Variants in DNAJC12 observed in about 807,000 individuals in gnomAD.
DNAJC12 encodes DnaJ heat shock protein family (Hsp40) member C12.
DNAJC12 carries 25 observed loss-of-function variants against 28.5 expected under a neutral mutation model. The observed-to-expected ratio is 0.88, with a 90% CI of 0.64 to 1.22. DNAJC12 has a LOEUF of 1.22. DNAJC12 is among the 50% of genes most tolerant of loss of function. The probability of loss-of-function intolerance (pLI) is 0.00; values close to 1 mark genes in which losing one functional copy is unlikely to be tolerated. For missense variants in DNAJC12, 222 were observed against 231.7 expected, an observed-to-expected ratio of 0.96 and a Z score of 0.27; for synonymous variants, 77 against 80.6, an observed-to-expected ratio of 0.95 and a Z score of 0.24.
intron 4 of DNAJC12, among the ~76,000 whole-genome samples, chr10:67,797,740 G>A (rs1841689062): frequency 6.6e-6 from 1 of 152,050 alleles, no homozygotes; most frequent in Non-Finnish European, 1.5e-5. Context: ...TATCAAACTC[G>A]TTAAAATGTA....
chr10:67,827,816 A>AT (rs1193369893), intron 1 of DNAJC12: 5 of 152,266 alleles, frequency 3.3e-5, no homozygotes, highest in African/African-American at 1.2e-4. Flanking sequence ...CCAATTTCAC[A>AT]TTTTAAAAAT....
At chr10:67,822,962 T>A (rs1203818451) in intron 2 of DNAJC12, among the ~76,000 whole-genome samples, 2 of 151,084 alleles carry the variant, frequency 1.3e-5, no homozygotes, top group South Asian at 2.1e-4. Context: ...ACCACTGCAC[T>A]CCAGCCTGGG....
At chr10:67,804,107 G>C (rs1052291023) in intron 4 of DNAJC12, among the ~76,000 whole-genome samples, 4 of 152,128 alleles carry the variant, frequency 2.6e-5, no homozygotes, top group African/African-American at 7.2e-5. Flanking sequence ...ATTCTAATAG[G>C]GTGCTACATC....
chr10:67,822,727 C>T (rs916791264), intron 2 of DNAJC12, among the ~76,000 whole-genome samples: 3 of 152,104 alleles, frequency 2.0e-5, no homozygotes, highest in African/African-American at 7.2e-5. Context: ...GCCGGGCACA[C>T]GCCTATAATC....
intron 1 of DNAJC12, among the ~76,000 whole-genome samples, chr10:67,824,675 T>C (rs540051228): frequency 1.2e-4 from 18 of 152,224 alleles, no homozygotes; most frequent in Admixed American, 1.0e-3. Context: ...CAGGAAACAA[T>C]AGTGGTTATG....
At chr10:67,823,486 G>T in intron 1 of DNAJC12, 94 bp from the exon 2 acceptor site, 1 of 984,790 alleles carries the variant, frequency 1.0e-6, no homozygotes, top group Non-Finnish European at 1.6e-6. Context: ...GAGGCAAGCG[G>T]ATCACCAGGA....
Position 67,797,560 on chromosome 10 carries a change from A to G in DNAJC12, c.503-350T>C, listed in dbSNP as rs532854815. Among the ~76,000 whole-genome samples the G allele has an allele frequency of 6.6e-5, 10 of 152,352 alleles. No homozygotes were observed. In the East Asian group the frequency reaches 1.7e-3, roughly 26 times the overall value. On this transcript the variant is annotated intron_variant, in intron 4 of 4. Coordinates refer to ENST00000225171, the MANE Select transcript of DNAJC12 (RefSeq NM_021800.3). The stretch of plus-strand genomic sequence containing the variant: ...CTTTCAAAAGTTAAAAGTCAATGGC[A>G]AAAGGATCGCTTGAAATACAAGTAC...
At chr10:67,807,456 C>G (rs1006362137) in intron 3 of DNAJC12, among the ~76,000 whole-genome samples, 1 of 151,134 alleles carries the variant, frequency 6.6e-6, no homozygotes. Flanking sequence ...AAAATAAAAA[C>G]GTTAATTTTT....
At chr10:67,829,964 T>C (rs1347794431) in intron 1 of DNAJC12, among the ~76,000 whole-genome samples, 2 of 151,954 alleles carry the variant, frequency 1.3e-5, no homozygotes, top group South Asian at 2.1e-4. Flanking sequence ...CCATGTCTTA[T>C]CTCAAAAGGG....
At chr10:67,803,407 C>T (rs934549062) in intron 4 of DNAJC12, among the ~76,000 whole-genome samples, 1 of 152,216 alleles carries the variant, frequency 6.6e-6, no homozygotes, top group African/African-American at 2.4e-5. Flanking sequence ...TGGAAGGAAA[C>T]ACACCTGAGT....
chr10:67,806,918 G>A lies in DNAJC12; in HGVS notation c.298-1131C>T, dbSNP rs188847999. 1.3e-3 allele frequency among the ~76,000 whole-genome samples: 190 copies of A among 151,730 alleles called. 2 individuals carry two copies. Among genetic ancestry groups the A allele is most frequent in the Non-Finnish European group, 1.6e-4 (11 of 67,944 alleles). On this transcript the variant is annotated intron_variant, in intron 3 of 4. Coordinates refer to ENST00000225171, the MANE Select transcript of DNAJC12 (RefSeq NM_021800.3). Reference sequence around the variant, plus strand: ...TAACAGAATTACATCTTTTGTTTTTGTATTTCCCAAATTTTCTATGAGAAG... The same window carrying A: ...TAACAGAATTACATCTTTTGTTTTTATATTTCCCAAATTTTCTATGAGAAG...
chr10:67,811,587 C>T lies in DNAJC12; in HGVS notation c.234G>A (p.Trp78Ter), dbSNP rs764876623. Reference protein sequence around the residue: ...NEESRARYDHWRRSQMSMPFQ... With the variant: ...NEESRARYDH ...ATGGCATCGACATCTGGCTCCTTCG[C>T]CAGTGGTCATAGCGGGCTCGACTCT... Residue 78 changes from tryptophan (W) to a stop codon, truncating the protein, a stop_gained, in exon 3 of 5, where the codon TGG becomes TGA. Transcript: ENST00000225171. LOFTEE classifies it high-confidence loss of function. 2.5e-6 allele frequency: 4 copies of T among 1,614,210 alleles called. No homozygotes were observed. The highest frequency in any genetic ancestry group is 1.1e-5 in the South Asian group (1 of 91,086).
At chr10:67,807,476 A>T (rs2131793949) in intron 3 of DNAJC12, among the ~76,000 whole-genome samples, 1 of 151,894 alleles carries the variant, frequency 6.6e-6, no homozygotes, top group Non-Finnish European at 1.5e-5. Flanking sequence ...TAAAAGAGGC[A>T]ATGCCTCAGC....
chr10:67,826,133 T>C (rs1310866725), intron 1 of DNAJC12, among the ~76,000 whole-genome samples: 1 of 71,358 alleles, frequency 1.4e-5, no homozygotes, highest in Non-Finnish European at 3.9e-5. Flanking sequence ...AGACATATCT[T>C]TTTTTTTCTT....
chr10:67,798,856 C>T (rs879574829), intron 4 of DNAJC12, among the ~76,000 whole-genome samples: 4 of 151,742 alleles, frequency 2.6e-5, no homozygotes, highest in Non-Finnish European at 4.4e-5. Context: ...ACCTCCGCCT[C>T]CCGGGTTCAA....
At chr10:67,809,957 T>C (rs1841842801) in intron 3 of DNAJC12, among the ~76,000 whole-genome samples, 1 of 152,174 alleles carries the variant, frequency 6.6e-6, no homozygotes, top group Non-Finnish European at 1.5e-5. Flanking sequence ...AATTCATCCA[T>C]GTGTCTAAAA....
intron 2 of DNAJC12, among the ~76,000 whole-genome samples, chr10:67,821,520 A>T (rs1025953679): frequency 6.6e-6 from 1 of 152,220 alleles, no homozygotes; most frequent in Non-Finnish European, 1.5e-5. Flanking sequence ...CTGTCTCAAA[A>T]AAAAACATTA....
chr10:67,807,624 G>A (rs147347856), intron 3 of DNAJC12, among the ~76,000 whole-genome samples: 90 of 152,290 alleles, frequency 5.9e-4, no homozygotes, highest in African/African-American at 2.0e-3. Context: ...GAAGGTTAGT[G>A]AAAAACAAGG....
chr10:67,823,207 G>A (rs754262264), intron 2 of DNAJC12, 107 bp downstream of exon 2: 13 of 871,206 alleles, frequency 1.5e-5, no homozygotes, highest in Admixed American at 2.2e-5. Context: ...GAATACGGTT[G>A]AGCATAATAG....
Sources: allele counts gnomAD v4.1 joint callset (sites outside exome capture counted in the v4.1 genomes callset), GRCh38; gene constraint gnomAD v4.1.1; transcripts MANE v1.5; gene names NCBI Gene and HGNC (gene_info 2026-07-23, HGNC 2026-07-21).